Variants in NDUFAF2 observed in about 807,000 individuals in gnomAD.
NDUFAF2 encodes the protein NADH:ubiquinone oxidoreductase complex assembly factor 2.
NDUFAF2 carries 13 observed loss-of-function variants against 22.8 expected under a neutral mutation model. That is an observed-to-expected ratio of 0.57 (90% CI 0.37 to 0.91). The LOEUF is 0.91. NDUFAF2 is among the 40% of genes least tolerant of loss of function. The probability of loss-of-function intolerance (pLI) is 0.01; values close to 1 mark genes in which losing one functional copy is unlikely to be tolerated. For missense variants in NDUFAF2, 162 were observed against 195.2 expected (o/e 0.83, Z 1.01); for synonymous variants, 53 against 64.2 (o/e 0.83, Z 0.84).
At chr5:61,045,785 C>T (rs893100330) in intron 1 of NDUFAF2, among the ~76,000 whole-genome samples, 7 of 152,020 alleles carry the variant, frequency 4.6e-5, no homozygotes, top group Admixed American at 3.9e-4. Context: ...TTAACATCTT[C>T]CTTTCTGATT....
chr5:61,030,086 G>A lies in NDUFAF2; in HGVS notation c.128-43039G>A, dbSNP rs566996785. ...TAGAGATCATGCCTTTAAATGGTCA[G>A]TCTCAAAGACATTCAGTTGTCACAA... On this transcript the variant is annotated intron_variant, in intron 1 of 3. Coordinates refer to ENST00000296597, the MANE Select transcript of NDUFAF2 (RefSeq NM_174889.5). Among the ~76,000 whole-genome samples, 330 of 152,212 alleles carry A rather than the reference G, an allele frequency of 2.2e-3. 3 individuals carry two copies. The highest frequency in any genetic ancestry group is 1.9e-3 in the Non-Finnish European group (126 of 67,998).
At chr5:61,131,164 T>C (rs1561574169) in intron 3 of NDUFAF2, among the ~76,000 whole-genome samples, 1 of 151,968 alleles carries the variant, frequency 6.6e-6, no homozygotes, top group Non-Finnish European at 1.5e-5. Flanking sequence ...TCATTCACCA[T>C]AGATACAGGT....
intron 1 of NDUFAF2, among the ~76,000 whole-genome samples, chr5:60,992,078 A>G (rs979924558): frequency 6.6e-6 from 1 of 152,150 alleles, no homozygotes; most frequent in South Asian, 2.1e-4. Context: ...ATGCCTATTT[A>G]CCATTTGTAT....
intron 1 of NDUFAF2, among the ~76,000 whole-genome samples, chr5:60,985,301 CTTGCTAGTGGTCTATCAA>C (rs201913783): frequency 0.013 from 1,911 of 151,976 alleles, 21 homozygotes; most frequent in Non-Finnish European, 0.018. Context: ...CTTTGTTAGT[CTTGCTAGTGGTCTATCAA>C]TTTTGTTGAT....
At chr5:61,004,709 C>T (rs955362415) in intron 1 of NDUFAF2, among the ~76,000 whole-genome samples, 3 of 151,946 alleles carry the variant, frequency 2.0e-5, no homozygotes, top group Non-Finnish European at 4.4e-5. Context: ...GTGACTCTAC[C>T]AGTCATAGAG....
chr5:60,947,438 G>C (rs553894213), intron 1 of NDUFAF2, among the ~76,000 whole-genome samples: 1 of 151,814 alleles, frequency 6.6e-6, no homozygotes, highest in Non-Finnish European at 1.5e-5. Flanking sequence ...ACAGATCTTC[G>C]GTGAAGTATT....
chr5:61,111,305 A>G (rs1276544123), intron 3 of NDUFAF2, among the ~76,000 whole-genome samples: 1 of 152,184 alleles, frequency 6.6e-6, no homozygotes, highest in African/African-American at 2.4e-5. Context: ...TTGATGAAAT[A>G]TTCTGTAAAT....
At chr5:60,975,967 A>C (rs909966392) in intron 1 of NDUFAF2, among the ~76,000 whole-genome samples, 12 of 152,230 alleles carry the variant, frequency 7.9e-5, no homozygotes, top group Admixed American at 2.0e-4. Context: ...CAATACTTTT[A>C]AATTAGTCTT....
At chr5:61,006,567 C>T (rs1421103439) in intron 1 of NDUFAF2, among the ~76,000 whole-genome samples, 2 of 152,110 alleles carry the variant, frequency 1.3e-5, no homozygotes, top group Non-Finnish European at 2.9e-5. Flanking sequence ...ATTCTTCCTA[C>T]CCATGAGCAT....
At chr5:61,034,264 C>G (rs1326696030) in intron 1 of NDUFAF2, among the ~76,000 whole-genome samples, 1 of 152,102 alleles carries the variant, frequency 6.6e-6, no homozygotes, top group Non-Finnish European at 1.5e-5. Context: ...CTTTGACTAA[C>G]TAGTACAGTT....
At chr5:60,966,944 A>G (rs916109560) in intron 1 of NDUFAF2, among the ~76,000 whole-genome samples, 1 of 152,108 alleles carries the variant, frequency 6.6e-6, no homozygotes, top group Admixed American at 6.5e-5. Flanking sequence ...TAGTATGAAT[A>G]TTTAGCCAAT....
intron 1 of NDUFAF2, among the ~76,000 whole-genome samples, chr5:60,987,875 T>A (rs1319465743): frequency 6.6e-6 from 1 of 152,168 alleles, no homozygotes; most frequent in Non-Finnish European, 1.5e-5. Flanking sequence ...AAGACCAGAA[T>A]GCCCTCTCCT....
At chr5:61,048,230 G>A (rs907805360) in intron 1 of NDUFAF2, among the ~76,000 whole-genome samples, 1 of 151,994 alleles carries the variant, frequency 6.6e-6, no homozygotes, top group African/African-American at 2.4e-5. Context: ...ATTACCTTTG[G>A]ATGGCTTTCA....
chr5:61,020,551 G>A (rs1561543569), intron 1 of NDUFAF2, among the ~76,000 whole-genome samples: 1 of 112,534 alleles, frequency 8.9e-6, no homozygotes, highest in African/African-American at 2.7e-5. Flanking sequence ...TTTGTTATGT[G>A]TGTGTGTGTG....
intron 1 of NDUFAF2, among the ~76,000 whole-genome samples, chr5:60,972,457 T>C (rs1045640029): frequency 6.6e-6 from 1 of 152,132 alleles, no homozygotes; most frequent in African/African-American, 2.4e-5. Flanking sequence ...CTTCCCCCTC[T>C]TCACTCACCA....
At chr5:61,095,483 G>T (rs1323172392) in intron 2 of NDUFAF2, among the ~76,000 whole-genome samples, 1 of 152,192 alleles carries the variant, frequency 6.6e-6, no homozygotes, top group Non-Finnish European at 1.5e-5. Context: ...GGGGCCTGCG[G>T]ACCATCACTG....
intron 1 of NDUFAF2, 121 bp downstream of exon 1, chr5:60,945,503 G>C: frequency 7.0e-7 from 1 of 1,427,662 alleles, no homozygotes; most frequent in East Asian, 2.3e-5. Flanking sequence ...TCACCGGAGA[G>C]AATTTCCCGA....
At chr5:60,956,190 C>T (rs748458711) in intron 1 of NDUFAF2, among the ~76,000 whole-genome samples, 6 of 152,146 alleles carry the variant, frequency 3.9e-5, no homozygotes, top group Admixed American at 1.3e-4. Context: ...CATGAGCCAC[C>T]ATGCCTGGCC....
In NDUFAF2 at chr5:60,982,845, T is replaced by C. The variant is rs537935566; in HGVS notation, c.127+37463T>C. 3.3e-5 allele frequency among the ~76,000 whole-genome samples: 5 copies of C among 152,216 alleles called. No homozygotes were observed. The East Asian group carries it at 9.7e-4, about 29-fold the overall frequency. On this transcript the variant is annotated intron_variant, in intron 1 of 3. Coordinates refer to ENST00000296597, the MANE Select transcript of NDUFAF2 (RefSeq NM_174889.5). ...CCCAAGTCTTTGCTATTGTGAATAG[T>C]GCCGCAATAAACATACGTGTGCATG...
Sources: allele counts gnomAD v4.1 joint callset (sites outside exome capture counted in the v4.1 genomes callset), GRCh38; gene constraint gnomAD v4.1.1; transcripts MANE v1.5; gene names NCBI Gene and HGNC (gene_info 2026-07-23, HGNC 2026-07-21).